Variants in CNIH3 observed in about 807,000 individuals in gnomAD.
The protein encoded by CNIH3 is cornichon family AMPA receptor auxiliary protein 3, also known as protein cornichon homolog 3.
In CNIH3, 14 loss-of-function variants were observed where a neutral mutation model predicts 24.1. The observed-to-expected ratio is 0.58, with a 90% CI of 0.38 to 0.91. The LOEUF is 0.91. Among genes scored for constraint, CNIH3 ranks in the 40% least tolerant of loss-of-function variants. CNIH3 has a pLI of 0.00. For missense variants in CNIH3, 178 were observed against 196.8 expected (o/e 0.90, Z 0.57); for synonymous variants, 68 against 73.8 (o/e 0.92, Z 0.40).
At chr1:224,720,495 T>C (rs5010413) in intron 3 of CNIH3, among the ~76,000 whole-genome samples, 102,482 of 151,282 alleles carry the variant, frequency 0.68, 35,294 homozygotes, top group East Asian at 0.96. Flanking sequence ...ACCCTCTTTG[T>C]TAAGCAGAGT....
intron 1 of CNIH3, among the ~76,000 whole-genome samples, chr1:224,464,018 C>T (rs1291966504): frequency 6.8e-5 from 10 of 147,062 alleles, no homozygotes; most frequent in Non-Finnish European, 1.1e-4. Flanking sequence ...CTCGAACTCC[C>T]GATCTTGTGA....
In CNIH3 at chr1:224,586,871, C is replaced by T. The variant is rs78239343; in HGVS notation, n.621-1490C>T. ...AGATTGGAGTGATGCTGCCACAGGC[C>T]GAGGAAACTGGAGAGCTGCTAGACA... On this transcript the variant is annotated intron_variant and non_coding_transcript_variant, in intron 5 of 5. Transcript: ENST00000471578. Among the ~76,000 whole-genome samples the T allele has an allele frequency of 2.6e-3, 401 of 152,136 alleles. 9 individuals carry two copies. The East Asian group carries it at 0.048, about 18-fold the overall frequency.
At chr1:224,674,989 G>A (rs935930977) in intron 1 of CNIH3, among the ~76,000 whole-genome samples, 10 of 152,304 alleles carry the variant, frequency 6.6e-5, no homozygotes, top group African/African-American at 2.4e-4. Context: ...GCCCCAGGCA[G>A]CGTAGAGGCA....
intron 1 of CNIH3, among the ~76,000 whole-genome samples, chr1:224,642,453 C>T (rs1684407792): frequency 6.6e-6 from 1 of 152,162 alleles, no homozygotes; most frequent in African/African-American, 2.4e-5. Flanking sequence ...TGTTCTCGAA[C>T]TCCTGGCCTC....
At chr1:224,715,517 G>A (rs189514899) in intron 3 of CNIH3, among the ~76,000 whole-genome samples, 79 of 152,260 alleles carry the variant, frequency 5.2e-4, no homozygotes, top group African/African-American at 1.9e-3. Flanking sequence ...GTCTTAGTCT[G>A]TTTTGTGTTA....
intron 3 of CNIH3, among the ~76,000 whole-genome samples, chr1:224,718,691 G>A (rs1376743943): frequency 6.6e-6 from 1 of 151,970 alleles, no homozygotes; most frequent in East Asian, 1.9e-4. Flanking sequence ...AGGAAGAGGT[G>A]ACACTTCAGG....
chr1:224,579,899 G>T (rs115748042), intron 4 of CNIH3, among the ~76,000 whole-genome samples: 323 of 152,286 alleles, frequency 2.1e-3, no homozygotes, highest in African/African-American at 7.2e-3. Context: ...TGTTAAATAA[G>T]CCTTTTCTTT....
chr1:224,482,398 C>T (rs1676851913), intron 1 of CNIH3, among the ~76,000 whole-genome samples: 1 of 152,102 alleles, frequency 6.6e-6, no homozygotes, highest in South Asian at 2.1e-4. Context: ...TCAGTATGTA[C>T]TACCTGATTA....
chr1:224,508,063 C>T (rs1677990873), intron 1 of CNIH3, among the ~76,000 whole-genome samples: 1 of 152,164 alleles, frequency 6.6e-6, no homozygotes, highest in Admixed American at 6.5e-5. Context: ...GAGGTATTTC[C>T]ATTTGAGACT....
rs372382336 is a variant in CNIH3, at chr1:224,547,050, G to A, written n.450+111G>A. 9.0e-5 allele frequency: 20 copies of A among 221,078 alleles called. No homozygotes were observed. In the East Asian group the frequency reaches 1.3e-3, roughly 14 times the overall value. 13.7% of individuals were successfully genotyped at this position (221,078 alleles called of 1,614,324 possible). On this transcript the variant is annotated intron_variant and non_coding_transcript_variant, in intron 3 of 5. Transcript: ENST00000471578. The stretch of plus-strand genomic sequence containing the variant: ...AATGGGCCCACCTGTGTGCATACAC[G>A]CAAGGTTGTCTCCATGCTGGAGGCT...
intron 1 of CNIH3, among the ~76,000 whole-genome samples, chr1:224,482,802 G>A (rs1283257762): frequency 2.6e-5 from 4 of 152,136 alleles, no homozygotes; most frequent in African/African-American, 9.7e-5. Context: ...GCCCAGCACA[G>A]CACTAGAAGT....
chr1:224,437,112 C>T (rs924991087), intron 1 of CNIH3: 1 of 152,186 alleles, frequency 6.6e-6, no homozygotes, highest in African/African-American at 2.4e-5. Context: ...GCTAAGACCC[C>T]TTCTTCAGGT....
At chr1:224,535,316 TAGA>T (rs1428176616) in intron 2 of CNIH3, among the ~76,000 whole-genome samples, 1 of 152,042 alleles carries the variant, frequency 6.6e-6, no homozygotes, top group Non-Finnish European at 1.5e-5. Context: ...CACCAGGAGC[TAGA>T]AGAAGTGAGG....
intron 1 of CNIH3, among the ~76,000 whole-genome samples, chr1:224,463,406 A>G (rs1676009512): frequency 6.9e-6 from 1 of 145,456 alleles, no homozygotes; most frequent in Non-Finnish European, 1.5e-5. Flanking sequence ...ATTAGCATGA[A>G]TACAAGTCTT....
chr1:224,531,585 T>A (rs1420590224), intron 2 of CNIH3, among the ~76,000 whole-genome samples: 1 of 152,194 alleles, frequency 6.6e-6, no homozygotes, highest in Admixed American at 6.5e-5. Flanking sequence ...TGGAGATGTG[T>A]TGGAACCAGG....
chr1:224,517,503 T>G (rs912334387), intron 1 of CNIH3, among the ~76,000 whole-genome samples: 10 of 152,126 alleles, frequency 6.6e-5, no homozygotes, highest in African/African-American at 2.4e-4. Flanking sequence ...TCAGTAGTTT[T>G]GGGGGAGCAG....
At chr1:224,676,345 C>T (rs115705476) in intron 1 of CNIH3, among the ~76,000 whole-genome samples, 2,349 of 151,176 alleles carry the variant, frequency 0.016, 63 homozygotes, top group African/African-American at 0.054. Flanking sequence ...GGGCAGGGGA[C>T]GGGGTGAGAC....
chr1:224,517,236 G>T (rs1558123916), intron 1 of CNIH3, among the ~76,000 whole-genome samples: 1 of 152,152 alleles, frequency 6.6e-6, no homozygotes, highest in Non-Finnish European at 1.5e-5. Flanking sequence ...GCACACCTTG[G>T]AGCAGGAGCC....
Position 224,467,612 on chromosome 1 carries a change from C to T in CNIH3, n.203+32750C>T, listed in dbSNP as rs915766290. 4.0e-5 allele frequency among the ~76,000 whole-genome samples: 6 copies of T among 151,878 alleles called. No individual in the cohort carries two copies. The East Asian group carries it at 5.8e-4, about 15-fold the overall frequency. On this transcript the variant is annotated intron_variant and non_coding_transcript_variant, in intron 1 of 5. Transcript: ENST00000471578. ...CTAATTTTTGTATTTTTAGTAGAGA[C>T]GGGGTTTCACCATATTGGCCAGGCT...
Sources: gnomAD v4.1 joint callset for allele counts (sites outside exome capture counted in the v4.1 genomes callset) on GRCh38, gnomAD v4.1.1 for gene constraint, MANE v1.5 for transcripts, NCBI Gene and HGNC (gene_info 2026-07-23, HGNC 2026-07-21) for gene names.